The following FAM117A variants were observed in gnomAD, a reference collection of about 807,000 sequenced individuals.
The protein encoded by FAM117A is family with sequence similarity 117 member A, also known as protein FAM117A.
A neutral mutation model predicts 44.1 loss-of-function variants in FAM117A; 21 were observed. That is an observed-to-expected ratio of 0.48 (90% CI 0.34 to 0.69). The LOEUF (loss-of-function observed/expected upper bound fraction) is 0.69. Among genes scored for constraint, FAM117A ranks in the 30% least tolerant of loss-of-function variants. FAM117A has a pLI of 0.01. For synonymous variants in FAM117A, 220 were observed against 238.3 expected (o/e 0.92, Z 0.71); for missense variants, 498 against 589.9 (o/e 0.84, Z 1.61).
At chr17:49,786,578 A>G (rs1043444371) in intron 1 of FAM117A, among the ~76,000 whole-genome samples, 1 of 151,808 alleles carries the variant, frequency 6.6e-6, no homozygotes, top group African/African-American at 2.4e-5. Context: ...GGAGTTCAAG[A>G]CCAACCTGAC....
At chr17:49,754,724 C>T (rs2073691345) in intron 1 of FAM117A, among the ~76,000 whole-genome samples, 1 of 152,042 alleles carries the variant, frequency 6.6e-6, no homozygotes, top group South Asian at 2.1e-4. Flanking sequence ...TTCAAACTTA[C>T]ACCCAGCTGG....
At chr17:49,753,645 G>A (rs1429321475) in intron 1 of FAM117A, among the ~76,000 whole-genome samples, 4 of 152,240 alleles carry the variant, frequency 2.6e-5, no homozygotes, top group South Asian at 4.1e-4. Context: ...GTGAAACCCC[G>A]TTTCTATCAC....
chr17:49,764,055 T>G lies in FAM117A; in HGVS notation c.33A>C (p.Gly11=). MAGAAAGGRG[G]GAWGPGRGGA... is the part of the protein sequence containing the mutation. ...CTCCGCGCCCCGGCCCCCAGGCACCTCCGCCTCTGCCGCCCGCTGCGGCCC... is the reference window on the plus strand; with the variant it reads ...CTCCGCGCCCCGGCCCCCAGGCACCGCCGCCTCTGCCGCCCGCTGCGGCCC... Residue 11 remains glycine (G), a synonymous_variant, in exon 1 of 8, where the codon GGA becomes GGC. Transcript: ENST00000240364. 1.1e-6 allele frequency: 1 copy of G among 929,652 alleles called. No individual in the cohort carries two copies. Among genetic ancestry groups the G allele is most frequent in the Non-Finnish European group, 1.3e-6 (1 of 763,746 alleles). 57.6% of individuals were successfully genotyped at this position (929,652 alleles called of 1,614,324 possible).
chr17:49,782,831 T>C (rs1431519392), intron 1 of FAM117A, among the ~76,000 whole-genome samples: 1 of 152,160 alleles, frequency 6.6e-6, no homozygotes, highest in Non-Finnish European at 1.5e-5. Context: ...CAGGTGAAAG[T>C]GCTCCTCTAG....
At chr17:49,741,409 G>A (rs886712943) in intron 1 of FAM117A, among the ~76,000 whole-genome samples, 6 of 152,142 alleles carry the variant, frequency 3.9e-5, no homozygotes, top group Admixed American at 1.3e-4. Context: ...ATGCATGCCC[G>A]CACTCAGAGA....
intron 1 of FAM117A, among the ~76,000 whole-genome samples, chr17:49,736,793 C>T (rs990932878): frequency 1.6e-4 from 25 of 152,186 alleles, no homozygotes; most frequent in Admixed American, 8.5e-4. Context: ...ACTGGAATCC[C>T]CTGGAAGCAA....
At chr17:49,779,655 C>T (rs2073784284) in intron 1 of FAM117A, among the ~76,000 whole-genome samples, 1 of 152,210 alleles carries the variant, frequency 6.6e-6, no homozygotes, top group African/African-American at 2.4e-5. Context: ...TGGAGAAGGT[C>T]CCTGGATAAG....
chr17:49,781,564 A>G (rs1334606064), intron 1 of FAM117A, among the ~76,000 whole-genome samples: 2 of 152,246 alleles, frequency 1.3e-5, no homozygotes, highest in Non-Finnish European at 2.9e-5. Context: ...TAATAACTCC[A>G]CAACAGGAGA....
chr17:49,755,038 C>CAAAA (rs199709334), intron 1 of FAM117A, among the ~76,000 whole-genome samples: 4 of 43,222 alleles, frequency 9.3e-5, no homozygotes, highest in East Asian at 5.3e-4. Context: ...AACTCCGTCT[C>CAAAA]AAAAAAAAAA....
Position 49,711,176 on chromosome 17 carries a change from C to A in FAM117A, c.*79G>T. On this transcript the variant is annotated 3_prime_UTR_variant, in exon 8 of 8. Coordinates refer to ENST00000240364, the MANE Select transcript of FAM117A (RefSeq NM_030802.4). ...GCCGAGAGGGAAGGGCCCCTCCATA[C>A]CCCATCTCAGGGGACCTGGGGAGGG... 1 of 1,387,566 alleles carries A rather than the reference C, an allele frequency of 7.2e-7. No homozygotes were observed. The highest frequency in any genetic ancestry group is 2.3e-5 in the East Asian group (1 of 43,038). The allele number at this position is 1,387,566 out of a possible 1,614,324, so 86.0% of individuals were successfully genotyped here.
intron 2 of FAM117A, 134 bp from the exon 3 acceptor site, chr17:49,722,728 G>C: frequency 1.5e-6 from 1 of 668,766 alleles, no homozygotes; most frequent in Admixed American, 2.5e-5. Flanking sequence ...AACACTCCCA[G>C]TCGGTGTTCT....
intron 1 of FAM117A, among the ~76,000 whole-genome samples, chr17:49,778,041 G>C (rs766685900): frequency 1.7e-4 from 26 of 152,212 alleles, no homozygotes; most frequent in Non-Finnish European, 3.2e-4. Context: ...ATTGCCCTTC[G>C]TAAGGGTGAT....
At chr17:49,752,269 G>A (rs911225255) in intron 1 of FAM117A, among the ~76,000 whole-genome samples, 3 of 152,078 alleles carry the variant, frequency 2.0e-5, no homozygotes, top group East Asian at 1.9e-4. Context: ...TGCCTGTCTC[G>A]GAAGAGCACT....
intron 7 of FAM117A, 57 bp from the exon 8 acceptor site, chr17:49,711,612 A>C (rs1476036950): frequency 1.7e-5 from 26 of 1,527,634 alleles, no homozygotes; most frequent in Non-Finnish European, 2.2e-5. Flanking sequence ...AGAAACAGAC[A>C]GCGAGAGAGG....
At chr17:49,763,252 A>C (rs878921291) in intron 1 of FAM117A, among the ~76,000 whole-genome samples, 1 of 152,086 alleles carries the variant, frequency 6.6e-6, no homozygotes, top group African/African-American at 2.4e-5. Flanking sequence ...CACAGGGAGA[A>C]GAATGCAGGG....
At chr17:49,730,172 C>G (rs1194709990) in intron 2 of FAM117A, among the ~76,000 whole-genome samples, 1 of 152,206 alleles carries the variant, frequency 6.6e-6, no homozygotes, top group Non-Finnish European at 1.5e-5. Context: ...CTAGGTTGAT[C>G]AGCATTCTCC....
chr17:49,731,752 T>C (rs2073586148), intron 2 of FAM117A, among the ~76,000 whole-genome samples: 1 of 152,218 alleles, frequency 6.6e-6, no homozygotes, highest in Non-Finnish European at 1.5e-5. Context: ...AATGTTGGCC[T>C]TGGTTTAATT....
At chr17:49,728,919 C>T (rs931523211) in intron 2 of FAM117A, among the ~76,000 whole-genome samples, 5 of 152,222 alleles carry the variant, frequency 3.3e-5, no homozygotes, top group African/African-American at 4.8e-5. Flanking sequence ...AACATATATC[C>T]GCACGCTTCC....
intron 1 of FAM117A, among the ~76,000 whole-genome samples, chr17:49,775,813 G>A (rs1041532418): frequency 6.6e-6 from 1 of 152,128 alleles, no homozygotes; most frequent in African/African-American, 2.4e-5. Context: ...CACACAAGTT[G>A]GCACCTTCCC....
Sources: gnomAD v4.1 joint callset for allele counts (sites outside exome capture counted in the v4.1 genomes callset) on GRCh38, gnomAD v4.1.1 for gene constraint, MANE v1.5 for transcripts, NCBI Gene and HGNC (gene_info 2026-07-23, HGNC 2026-07-21) for gene names.